The following PKD1L1 variants were observed in gnomAD, a reference collection of about 807,000 sequenced individuals.
PKD1L1 encodes the protein polycystin-1-like protein 1.
PKD1L1 carries 236 observed loss-of-function variants against 323.4 expected under a neutral mutation model. That is an observed-to-expected ratio of 0.73 (90% CI 0.66 to 0.81). The LOEUF (loss-of-function observed/expected upper bound fraction) is 0.81. Ranked by LOEUF, PKD1L1 falls within the 40% of genes least tolerant of loss-of-function variation. PKD1L1 has a pLI of 0.00. For synonymous variants in PKD1L1, 1,344 were observed against 1,335.0 expected (o/e 1.01, Z -0.15); for missense variants, 3,320 against 3,508.0 (o/e 0.95, Z 1.35).
upstream of PKD1L1, among the ~76,000 whole-genome samples, chr7:47,953,200 C>G (rs1337081623): frequency 6.6e-6 from 1 of 152,150 alleles, no homozygotes; most frequent in Non-Finnish European, 1.5e-5. Flanking sequence ...TTATCTTGTT[C>G]CAATGCAATT....
rs1288532938 is a variant in PKD1L1, at chr7:47,808,320, T to C, written c.7754A>G (p.Asp2585Gly). The change falls in exon 52 of 57, where the codon GAT becomes GGT. Residue 2585 changes from aspartate (D) to glycine (G), a missense_variant. Transcript: ENST00000289672. ...TCCTCTGTGAAACTGGTTAGTGACA[T>C]CTCCAGCAAGAGTAACAAGGTGGCC... ...VSGHLVTLAG[D>G]VTNQFHRGLC... The C allele has an allele frequency of 5.6e-6, 9 of 1,614,038 alleles. No homozygotes were observed. Among genetic ancestry groups the C allele is most frequent in the African/African-American group, 1.3e-5 (1 of 74,978 alleles).
At chr7:47,959,731 G>A in the PKD1L1 span, among the ~76,000 whole-genome samples, 14,011 of 135,448 alleles carry the variant, frequency 0.1, 1,235 homozygotes, top group South Asian at 0.21. Context: ...CAGCCGCCCC[G>A]TCCGGGAGGG....
chr7:47,808,965 C>G (rs1784838166), intron 51 of PKD1L1, among the ~76,000 whole-genome samples: 1 of 150,712 alleles, frequency 6.6e-6, no homozygotes, highest in African/African-American at 2.4e-5. Flanking sequence ...TTACTGTAAC[C>G]CTTTTACTTA....
rs1786533340 is a variant in PKD1L1 at position 47,774,872 on chromosome 7, C to A, written c.*271G>T. The A allele has an allele frequency of 2.6e-6, 1 of 391,362 alleles. No homozygotes were observed. The highest frequency in any genetic ancestry group is 4.6e-6 in the Non-Finnish European group (1 of 218,756). The allele number at this position is 391,362 out of a possible 1,614,324, so 24.2% of individuals were successfully genotyped here. ...CAATATGTAACTCTAGGGCAACTGG[C>A]AAATTAACCATTTGGGAGAAGGCTG... is the stretch of plus-strand genomic sequence containing the variant. On this transcript the variant is annotated 3_prime_UTR_variant, in exon 57 of 57. Transcript: ENST00000289672.
intron 5 of PKD1L1, among the ~76,000 whole-genome samples, chr7:47,931,617 C>T (rs566302652): frequency 6.6e-6 from 1 of 152,188 alleles, no homozygotes; most frequent in African/African-American, 2.4e-5. Context: ...TTCATGTTAC[C>T]CCTTCAGCTA....
intron 45 of PKD1L1, among the ~76,000 whole-genome samples, chr7:47,822,608 A>AC (rs1399454961): frequency 5.0e-4 from 75 of 151,010 alleles, no homozygotes; most frequent in Non-Finnish European, 9.3e-4. Context: ...AAAAAAAAAA[A>AC]AAAAAAAAAA....
Position 47,839,362 on chromosome 7 carries a change from A to G in PKD1L1, c.5769+84T>C. The stretch of plus-strand genomic sequence containing the variant: ...CACTTTAGAAGAGTTCAAAGACACA[A>G]CTGTGGCAAGCGAAGCAGAGACAGG... On this transcript the variant is annotated intron_variant, in intron 36 of 56. Coordinates refer to ENST00000289672, the MANE Select transcript of PKD1L1 (RefSeq NM_138295.5). This position sits in a 1 kb window ranked among gnomAD's most constrained non-coding sequence, Gnocchi z 4.3. 1.8e-6 allele frequency: 2 copies of G among 1,112,096 alleles called. No homozygotes were observed. Among genetic ancestry groups the G allele is most frequent in the South Asian group, 1.5e-5 (1 of 65,800 alleles). 68.9% of individuals were successfully genotyped at this position (1,112,096 alleles called of 1,614,324 possible).
At chr7:47,937,259 T>TGGGGGGGGGGGGGGGGGGGGGGGGGGGG (rs10610147) in intron 3 of PKD1L1, among the ~76,000 whole-genome samples, 2 of 73,088 alleles carry the variant, frequency 2.7e-5, no homozygotes, top group Non-Finnish European at 2.6e-5. Flanking sequence ...GGGGTGGGGG[T>TGGGGGGGGGGGGGGGGGGGGGGGGGGGG]GGGGGGGGGG....
intron 56 of PKD1L1, among the ~76,000 whole-genome samples, chr7:47,777,199 A>T (rs1282496793): frequency 1.3e-5 from 2 of 152,256 alleles, no homozygotes; most frequent in East Asian, 1.9e-4. Flanking sequence ...GCTGACACTT[A>T]AATTCTGACT....
upstream of PKD1L1, among the ~76,000 whole-genome samples, chr7:47,953,375 CTGAT>C (rs111508645): frequency 0.099 from 15,002 of 152,148 alleles, 872 homozygotes; most frequent in South Asian, 0.2. Flanking sequence ...TTTCTCCACA[CTGAT>C]TATTTGATAT....
intron 8 of PKD1L1, among the ~76,000 whole-genome samples, chr7:47,908,492 A>G (rs973045793): frequency 6.6e-6 from 1 of 152,236 alleles, no homozygotes; most frequent in African/African-American, 2.4e-5. Context: ...GAAATTCTTC[A>G]TAATTATTTT....
rs1422700468 is a variant in PKD1L1 at position 47,796,009 on chromosome 7, C to G, written c.8335G>C (p.Ala2779Pro). The G allele has an allele frequency of 6.2e-7, 1 of 1,613,292 alleles. No homozygotes were observed. The highest frequency in any genetic ancestry group is 1.3e-5 in the African/African-American group (1 of 74,912). Residue 2779 changes from alanine (A) to proline (P), a missense_variant, in exon 55 of 57, where the codon GCT becomes CCT. By Grantham distance (27) the Ala-to-Pro change is conservative (BLOSUM62 -1). Coordinates refer to ENST00000289672, the MANE Select transcript of PKD1L1 (RefSeq NM_138295.5). ...LRLETPKLEEAEMVENHNYYL... is the reference protein window; with the variant it reads ...LRLETPKLEEPEMVENHNYYL... ...CTTACGTGATTCTCAACCATCTCAG[C>G]CTCTTCCAACTTTGGTGTTTCCAGT... is the stretch of plus-strand genomic sequence containing the variant.
chr7:47,935,465 C>T (rs1373855413), intron 4 of PKD1L1, among the ~76,000 whole-genome samples: 1 of 152,172 alleles, frequency 6.6e-6, no homozygotes, highest in Non-Finnish European at 1.5e-5. Context: ...AACAACAGAC[C>T]TGGGCCCACG....
rs1785519656 is a variant in PKD1L1 at position 47,839,329 on chromosome 7, G to T, written c.5769+117C>A. 1.4e-6 allele frequency: 1 copy of T among 737,112 alleles called. No homozygotes were observed. Among genetic ancestry groups the T allele is most frequent in the Non-Finnish European group, 2.2e-6 (1 of 460,182 alleles). 45.7% of individuals were successfully genotyped at this position (737,112 alleles called of 1,614,324 possible). On this transcript the variant is annotated intron_variant, in intron 36 of 56. Coordinates refer to ENST00000289672, the MANE Select transcript of PKD1L1 (RefSeq NM_138295.5). The surrounding 1 kb of genome is among the most constrained non-coding windows in gnomAD (Gnocchi z 4.3). ...ATATCGTGGTAATTAACTAAGAAAA[G>T]AGGAATACACTTTAGAAGAGTTCAA...
intron 14 of PKD1L1, among the ~76,000 whole-genome samples, chr7:47,896,191 T>G (rs1380217372): frequency 1.3e-5 from 2 of 152,056 alleles, no homozygotes; most frequent in Non-Finnish European, 2.9e-5. Flanking sequence ...TAGCCAGGCA[T>G]GGTGGTATGC....
rs544024443 is a variant in PKD1L1, at chr7:47,928,287, G to C, written c.1060+917C>G. ...TAACTTTAAAAACAAAAGGCCGGGG[G>C]GGAAGGTGCAGTGGCTCACACCTGT... On this transcript the variant is annotated intron_variant, in intron 7 of 56. Coordinates refer to ENST00000289672, the MANE Select transcript of PKD1L1 (RefSeq NM_138295.5). Among the ~76,000 whole-genome samples, 4 of 152,318 alleles carry C rather than the reference G, an allele frequency of 2.6e-5. No homozygotes were observed. The East Asian group carries it at 5.8e-4, about 22-fold the overall frequency.
chr7:47,904,275 G>C, intron 12 of PKD1L1, 103 bp downstream of exon 12: 2 of 1,489,300 alleles, frequency 1.3e-6, no homozygotes, highest in South Asian at 2.5e-5. Flanking sequence ...CACCTACGTT[G>C]ACTGACAGGC....
chr7:47,883,811 T>C (rs762187422), intron 19 of PKD1L1, among the ~76,000 whole-genome samples: 1 of 152,254 alleles, frequency 6.6e-6, no homozygotes, highest in Non-Finnish European at 1.5e-5. Flanking sequence ...CATCAGCCAT[T>C]TATCGATTCA....
chr7:47,819,235 C>T (rs1029807020), intron 46 of PKD1L1, among the ~76,000 whole-genome samples: 3 of 152,142 alleles, frequency 2.0e-5, no homozygotes, highest in African/African-American at 7.2e-5. Flanking sequence ...GTTTTGCATC[C>T]CTATGGGAAA....
Sources: gnomAD v4.1 joint callset for allele counts (sites outside exome capture counted in the v4.1 genomes callset) on GRCh38, gnomAD v4.1.1 for gene constraint, Gnocchi (gnomAD v3.1) non-coding constraint, MANE v1.5 for transcripts, NCBI Gene and HGNC (gene_info 2026-07-23, HGNC 2026-07-21) for gene names.